Variants in KAZN observed in about 807,000 individuals in gnomAD.
KAZN encodes the protein kazrin, periplakin interacting protein, also known as kazrin.
KAZN carries 40 observed loss-of-function variants against 87.4 expected under a neutral mutation model. The observed-to-expected ratio is 0.46, with a 90% CI of 0.36 to 0.60. The LOEUF is 0.60. Among genes scored for constraint, KAZN ranks in the 20% least tolerant of loss-of-function variants. KAZN has a pLI of 0.00. For synonymous variants in KAZN, 466 were observed against 458.3 expected, an observed-to-expected ratio of 1.02 and a Z score of -0.22; for missense variants, 898 against 1,073.9, an observed-to-expected ratio of 0.84 and a Z score of 2.29.
At chr1:14,355,386 G>A (rs981774109) in intron 2 of KAZN, among the ~76,000 whole-genome samples, 2 of 148,228 alleles carry the variant, frequency 1.3e-5, no homozygotes, top group Admixed American at 1.4e-4. Flanking sequence ...GGTTTTTGTT[G>A]TTGAACAATC....
intron 2 of KAZN, among the ~76,000 whole-genome samples, chr1:14,217,557 G>T (rs141091314): frequency 0.013 from 1,928 of 152,042 alleles, 34 homozygotes; most frequent in Admixed American, 0.031. Flanking sequence ...GACAAATTTA[G>T]AAGGCAGTCA....
chr1:13,929,185 G>T (rs917079007), intron 1 of KAZN, among the ~76,000 whole-genome samples: 3 of 151,636 alleles, frequency 2.0e-5, no homozygotes, highest in Non-Finnish European at 2.9e-5. Flanking sequence ...CTCCCAAGGA[G>T]CTGGGATTAC....
intron 2 of KAZN, among the ~76,000 whole-genome samples, chr1:14,473,840 A>G (rs762207317): frequency 2.6e-5 from 4 of 152,034 alleles, no homozygotes; most frequent in South Asian, 2.1e-4. Context: ...TTTCCTCTGT[A>G]TGGAACCCTC....
chr1:14,432,825 T>C (rs1358253870), intron 2 of KAZN, among the ~76,000 whole-genome samples: 1 of 152,164 alleles, frequency 6.6e-6, no homozygotes, highest in Non-Finnish European at 1.5e-5. Context: ...CATGCGGTGT[T>C]TGGTTTTCTG....
intron 1 of KAZN, among the ~76,000 whole-genome samples, chr1:14,688,692 C>T (rs940246616): frequency 2.0e-5 from 3 of 152,226 alleles, no homozygotes; most frequent in East Asian, 1.9e-4. Context: ...AACATGATTG[C>T]CCACAGTTCT....
At chr1:14,836,865 C>T (rs1647312548) in intron 1 of KAZN, among the ~76,000 whole-genome samples, 1 of 152,178 alleles carries the variant, frequency 6.6e-6, no homozygotes, top group South Asian at 2.1e-4. Flanking sequence ...AAATGGCACT[C>T]TTAGACCCAT....
At chr1:14,418,903 AATG>A (rs1485393599) in intron 2 of KAZN, among the ~76,000 whole-genome samples, 1 of 152,222 alleles carries the variant, frequency 6.6e-6, no homozygotes, top group Non-Finnish European at 1.5e-5. Context: ...CATCTGCAGA[AATG>A]ATGGCTGGAT....
chr1:14,969,666 G>A (rs923447143), intron 2 of KAZN, among the ~76,000 whole-genome samples: 2 of 152,238 alleles, frequency 1.3e-5, no homozygotes, highest in African/African-American at 2.4e-5. Context: ...TTGATGGTCA[G>A]GTGGAAGAAT....
At chr1:14,152,063 A>T (rs929002335) in intron 1 of KAZN, among the ~76,000 whole-genome samples, 5 of 152,188 alleles carry the variant, frequency 3.3e-5, no homozygotes, top group African/African-American at 4.8e-5. Flanking sequence ...TAGGAGGTGG[A>T]TATATTTATG....
chr1:15,030,448 A>G (rs1671578646), intron 2 of KAZN, among the ~76,000 whole-genome samples: 1 of 152,146 alleles, frequency 6.6e-6, no homozygotes, highest in South Asian at 2.1e-4. Context: ...TTGTATTTTT[A>G]GTAGAGACGG....
chr1:15,001,719 G>A (rs898784358), intron 2 of KAZN, among the ~76,000 whole-genome samples: 1 of 152,024 alleles, frequency 6.6e-6, no homozygotes, highest in Middle Eastern at 3.2e-3. Flanking sequence ...TCGCCTGTGG[G>A]GTCGACCTCA....
At chr1:15,038,180 G>A (rs893892028) in intron 3 of KAZN, among the ~76,000 whole-genome samples, 2 of 152,132 alleles carry the variant, frequency 1.3e-5, no homozygotes, top group African/African-American at 4.8e-5. Context: ...CTTGAGCCAG[G>A]GAGGTTGAGG....
chr1:14,075,821 C>T (rs1643434434), intron 1 of KAZN, among the ~76,000 whole-genome samples: 1 of 152,144 alleles, frequency 6.6e-6, no homozygotes, highest in Non-Finnish European at 1.5e-5. Flanking sequence ...CCTCTGCCCA[C>T]CGGACGTCAG....
At chr1:14,565,654 C>G (rs1674509504) in intron 2 of KAZN, among the ~76,000 whole-genome samples, 1 of 152,166 alleles carries the variant, frequency 6.6e-6, no homozygotes, top group South Asian at 2.1e-4. Context: ...CCCTTCAAAC[C>G]CTGCTGCTGC....
At chr1:13,970,678 A>G (rs1460200440) in intron 1 of KAZN, among the ~76,000 whole-genome samples, 1 of 152,226 alleles carries the variant, frequency 6.6e-6, no homozygotes, top group East Asian at 1.9e-4. Flanking sequence ...CTTGACCAAA[A>G]TGTCAAAACA....
chr1:14,853,883 A>G (rs1005440693), intron 1 of KAZN, among the ~76,000 whole-genome samples: 1 of 152,118 alleles, frequency 6.6e-6, no homozygotes, highest in African/African-American at 2.4e-5. Flanking sequence ...CCTGTGGACC[A>G]CCCTTGGGCA....
chr1:14,169,801 A>G (rs530347436), intron 1 of KAZN, among the ~76,000 whole-genome samples: 5 of 152,334 alleles, frequency 3.3e-5, no homozygotes, highest in African/African-American at 7.2e-5. Flanking sequence ...ACTCATAACT[A>G]TCAAGTAAAT....
chr1:14,779,742 A>G (rs1645278866), intron 1 of KAZN, among the ~76,000 whole-genome samples: 1 of 152,170 alleles, frequency 6.6e-6, no homozygotes, highest in South Asian at 2.1e-4. Context: ...GGCTCAGTGT[A>G]TTCTAAACAA....
intron 1 of KAZN, among the ~76,000 whole-genome samples, chr1:14,174,465 A>T (rs1646025485): frequency 6.6e-6 from 1 of 152,230 alleles, no homozygotes; most frequent in African/African-American, 2.4e-5. Flanking sequence ...TAAGGCTAAC[A>T]GGTGTTGGGA....
Sources: gnomAD v4.1 joint callset for allele counts (sites outside exome capture counted in the v4.1 genomes callset) on GRCh38, gnomAD v4.1.1 for gene constraint, MANE v1.5 for transcripts, NCBI Gene and HGNC (gene_info 2026-07-23, HGNC 2026-07-21) for gene names.